The following SLCO2A1 variants were observed in gnomAD, a reference collection of about 807,000 sequenced individuals.
SLCO2A1 encodes solute carrier organic anion transporter family member 2A1.
In SLCO2A1, 60 loss-of-function variants were observed where a neutral mutation model predicts 71.7. The observed-to-expected ratio is 0.84, with a 90% CI of 0.68 to 1.04. SLCO2A1 has a LOEUF of 1.04. Among genes scored for constraint, SLCO2A1 ranks in the 50% least tolerant of loss-of-function variants. The pLI is 0.00. For synonymous variants in SLCO2A1, 308 were observed against 326.7 expected (o/e 0.94, Z 0.62); for missense variants, 745 against 813.4 (o/e 0.92, Z 1.02).
chr3:133,948,851 C>T (rs1489075746), intron 7 of SLCO2A1, 42 bp downstream of exon 7: 15 of 1,604,724 alleles, frequency 9.3e-6, no homozygotes, highest in Non-Finnish European at 1.3e-5. Context: ...TATCCCCTCC[C>T]CCGCACTGTG....
Position 133,951,271 on chromosome 3 carries a change from A to C in SLCO2A1, c.798T>G (p.Ala266=), listed in dbSNP as rs1332896659. Residue 266 remains alanine, a synonymous_variant, in exon 6 of 14, where the codon GCT becomes GCG. Coordinates refer to ENST00000310926, the MANE Select transcript of SLCO2A1 (RefSeq NM_005630.3). ...AGGGGAAAGAGGTGAGAACCAATAAAGCTGAAGAAATGAGCAGGCCTAGCC... is the reference window on the plus strand; with the variant it reads ...AGGGGAAAGAGGTGAGAACCAATAACGCTGAAGAAATGAGCAGGCCTAGCC... ...AWWLGLLISS[A]LLVLTSFPFF... is the part of the protein sequence containing the mutation. The C allele has an allele frequency of 5.0e-6, 8 of 1,614,060 alleles. No individual in the cohort carries two copies. The highest frequency in any genetic ancestry group is 6.8e-6 in the Non-Finnish European group (8 of 1,180,046).
intron 2 of SLCO2A1, among the ~76,000 whole-genome samples, chr3:133,978,100 T>C (rs1351149096): frequency 4.6e-5 from 7 of 152,126 alleles, no homozygotes; most frequent in Non-Finnish European, 1.0e-4. Flanking sequence ...ATGTCATATA[T>C]GTGGCGAAAG....
intron 1 of SLCO2A1, among the ~76,000 whole-genome samples, chr3:134,028,467 C>G (rs2108083215): frequency 6.6e-6 from 1 of 152,326 alleles, no homozygotes; most frequent in African/African-American, 2.4e-5. Flanking sequence ...CCATATACAA[C>G]TACAAAATCA....
chr3:133,989,610 A>G (rs1393635359), intron 1 of SLCO2A1, among the ~76,000 whole-genome samples: 3 of 152,340 alleles, frequency 2.0e-5, no homozygotes, highest in East Asian at 1.9e-4. Flanking sequence ...TAACATGTGC[A>G]TGTGTTTAAA....
At position 133,953,704 on chromosome 3, in the gene SLCO2A1, A is replaced by G; in HGVS notation, c.683T>C (p.Val228Ala). 2 of 1,614,170 alleles carry G rather than the reference A, an allele frequency of 1.2e-6. No homozygotes were observed. The highest frequency in any genetic ancestry group is 1.1e-5 in the South Asian group (1 of 91,072). ...ATAGTCCACAAAGATCTGCAGCATG[A>G]CAGAGCCCAGCAGGTACCCGAAAGC... ...GPAFGYLLGS[V>A]MLQIFVDYGR... Residue 228 changes from valine (V) to alanine (A), a missense_variant, in exon 5 of 14, where the codon GTC becomes GCC. Transcript: ENST00000310926.
intron 1 of SLCO2A1, 50 bp from the exon 2 acceptor site, chr3:133,979,668 C>A (rs749643686): frequency 1.3e-6 from 2 of 1,548,300 alleles, no homozygotes; most frequent in Non-Finnish European, 8.7e-7. Flanking sequence ...CAAGCCCTGG[C>A]GCCCTCCCAG....
Position 133,933,242 on chromosome 3 carries a change from C to T in SLCO2A1, c.*1471G>A, listed in dbSNP as rs1021722282. ...GCCAGGTGCAGAGTCAGTCTGGGGG[C>T]CATGGATGGCATGGATAGTCAGGTC... On this transcript the variant is annotated 3_prime_UTR_variant, in exon 14 of 14. Coordinates refer to ENST00000310926, the MANE Select transcript of SLCO2A1 (RefSeq NM_005630.3). The T allele has an allele frequency of 1.3e-5, 2 of 152,242 alleles. No homozygotes were observed. Among genetic ancestry groups the T allele is most frequent in the Admixed American group, 6.6e-5 (1 of 15,266 alleles). 9.4% of individuals were successfully genotyped at this position (152,242 alleles called of 1,614,324 possible).
chr3:134,021,002 C>T (rs890445479), intron 1 of SLCO2A1, among the ~76,000 whole-genome samples: 2 of 151,724 alleles, frequency 1.3e-5, no homozygotes, highest in African/African-American at 2.4e-5. Flanking sequence ...AGCGTGGCCT[C>T]ATCACCCACG....
At chr3:134,008,101 G>A (rs192233154) in intron 1 of SLCO2A1, among the ~76,000 whole-genome samples, 202 of 152,254 alleles carry the variant, frequency 1.3e-3, no homozygotes, top group Admixed American at 2.9e-3. Context: ...ATTCACAGTC[G>A]TGCTCCCCAT....
At chr3:133,994,511 C>T (rs2108066250) in intron 1 of SLCO2A1, among the ~76,000 whole-genome samples, 1 of 152,252 alleles carries the variant, frequency 6.6e-6, no homozygotes, top group South Asian at 2.1e-4. Context: ...TGTGTTCTAG[C>T]TCTCTCTCTC....
At chr3:133,975,877 G>A (rs73217302) in intron 2 of SLCO2A1, among the ~76,000 whole-genome samples, 20,239 of 152,074 alleles carry the variant, frequency 0.13, 1,715 homozygotes, top group East Asian at 0.4. Context: ...CTGAGGCCCC[G>A]TATACCTTTT....
chr3:133,948,713 C>T lies in SLCO2A1; in HGVS notation c.941-13G>A, dbSNP rs181466944. ...ATGCATGGAAACCCTGTGAACAGAC[C>T]GCTGTCAAGGCTCTGGCAGAACCCC... On this transcript the variant is annotated splice_polypyrimidine_tract_variant and intron_variant, in intron 7 of 13. Coordinates refer to ENST00000310926, the MANE Select transcript of SLCO2A1 (RefSeq NM_005630.3). 6.8e-5 allele frequency: 109 copies of T among 1,611,436 alleles called. No individual in the cohort carries two copies. In the East Asian group the frequency reaches 1.9e-3, roughly 28 times the overall value.
At chr3:133,974,987 T>A (rs575345913) in intron 2 of SLCO2A1, among the ~76,000 whole-genome samples, 1 of 152,324 alleles carries the variant, frequency 6.6e-6, no homozygotes, top group Non-Finnish European at 1.5e-5. Flanking sequence ...TTTGACTCAG[T>A]TGACCATTTC....
At chr3:133,942,452 C>T (rs892093809) in intron 11 of SLCO2A1, 153 bp downstream of exon 11, 1 of 797,994 alleles carries the variant, frequency 1.3e-6, no homozygotes, top group Non-Finnish European at 1.9e-6. Flanking sequence ...TATTATTTCC[C>T]CTCAGCAAAA....
At chr3:133,979,748 AG>A in intron 1 of SLCO2A1, 130 bp from the exon 2 acceptor site, 1 of 957,828 alleles carries the variant, frequency 1.0e-6, no homozygotes. Context: ...GTTACTTCCC[AG>A]GGTCTCCAGG....
intron 6 of SLCO2A1, among the ~76,000 whole-genome samples, chr3:133,949,838 T>C (rs1933692831): frequency 6.6e-6 from 1 of 152,066 alleles, no homozygotes; most frequent in Non-Finnish European, 1.5e-5. Context: ...TTTATTTTTA[T>C]TTTTTTAGAG....
intron 1 of SLCO2A1, among the ~76,000 whole-genome samples, chr3:134,010,590 A>G (rs938184963): frequency 6.6e-6 from 1 of 151,908 alleles, no homozygotes; most frequent in African/African-American, 2.4e-5. Flanking sequence ...TGTCTCTACT[A>G]AAAAAACGCA....
At chr3:133,987,648 G>A (rs545414195) in intron 1 of SLCO2A1, among the ~76,000 whole-genome samples, 2 of 152,266 alleles carry the variant, frequency 1.3e-5, no homozygotes, top group Non-Finnish European at 2.9e-5. Flanking sequence ...ATGTTCTCAG[G>A]CCCTGTCACG....
chr3:134,029,473 A>AACACACACACACAC lies in SLCO2A1; in HGVS notation c.96+220_96+233dup, dbSNP rs146731617. ...TTACTTAGTCCGATGAAGGCGTGTG[A>AACACACACACACAC]ACACACACACACACACTCGCACGCA... On this transcript the variant is annotated intron_variant, in intron 1 of 13. Transcript: ENST00000310926. Among the ~76,000 whole-genome samples the AACACACACACACAC allele has an allele frequency of 2.2e-3, 324 of 150,000 alleles. 1 individual carries two copies. The highest frequency in any genetic ancestry group is 7.4e-3 in the African/African-American group (302 of 40,628).
Sources: allele counts gnomAD v4.1 joint callset (sites outside exome capture counted in the v4.1 genomes callset), GRCh38; gene constraint gnomAD v4.1.1; transcripts MANE v1.5; gene names NCBI Gene and HGNC (gene_info 2026-07-23, HGNC 2026-07-21).